The following THOC2 variants were observed in gnomAD, a reference collection of about 807,000 sequenced individuals.
THOC2 encodes THO complex subunit 2.
A neutral mutation model predicts 128.4 loss-of-function variants in THOC2; 10 were observed. That is an observed-to-expected ratio of 0.08 (90% CI 0.05 to 0.13). The LOEUF (loss-of-function observed/expected upper bound fraction) is 0.13, where lower values mean the gene tolerates loss of function less well. Ranked by LOEUF, THOC2 falls within the 10% of genes least tolerant of loss-of-function variation. The pLI, the probability that THOC2 is intolerant of heterozygous loss-of-function variation, is 1.00. For missense variants in THOC2, 535 were observed against 1,155.7 expected, an observed-to-expected ratio of 0.46 and a Z score of 7.79; for synonymous variants, 393 against 396.9, an observed-to-expected ratio of 0.99 and a Z score of 0.12.
rs148115710 is a variant in THOC2 at position 123,608,261 on chromosome X, C to A, written c.*18+2657G>T. On this transcript the variant is annotated intron_variant, in intron 38 of 38. Transcript: ENST00000245838. ...ACTAAAAATACAAAAATTAGCCAGG[C>A]GTGGTGGCACGTGCTTGTAGTCCCA... Among the ~76,000 whole-genome samples, 610 of 102,950 alleles carry A rather than the reference C, an allele frequency of 5.9e-3. 4 individuals carry two copies. The highest frequency in any genetic ancestry group is 0.022 in the Middle Eastern group (4 of 180). The allele number at this position is 102,950 out of a possible 115,157, so 89.4% of individuals were successfully genotyped here.
At chrX:123,724,242 C>G (rs1466681009) in intron 1 of THOC2, among the ~76,000 whole-genome samples, 1 of 111,736 alleles carries the variant, frequency 8.9e-6, no homozygotes, top group East Asian at 2.8e-4. Flanking sequence ...TATACATAAC[C>G]TTGCAGCTCA....
In THOC2 at chrX:123,640,526, C is replaced by A; in HGVS notation, c.1746+12G>T. 1 of 1,152,580 alleles carries A rather than the reference C, an allele frequency of 8.7e-7. No homozygotes were observed. Among genetic ancestry groups the A allele is most frequent in the Non-Finnish European group, 1.2e-6 (1 of 855,564 alleles). The allele number at this position is 1,152,580 out of a possible 1,213,427, so 95.0% of individuals were successfully genotyped here. ...AAAAATCCCTTAAAATAATATTAAC[C>A]TCAAAACATACATAATCAAACAAAA... On this transcript the variant is annotated intron_variant, in intron 16 of 38. Transcript: ENST00000245838.
At chrX:123,618,937 T>C (rs2046989376) in intron 33 of THOC2, among the ~76,000 whole-genome samples, 1 of 111,995 alleles carries the variant, frequency 8.9e-6, no homozygotes, top group Non-Finnish European at 1.9e-5. Flanking sequence ...ATATAAAGAA[T>C]TTTTATAGAT....
chrX:123,619,280 C>A, intron 33 of THOC2, 121 bp downstream of exon 33: 1 of 386,199 alleles, frequency 2.6e-6, no homozygotes, highest in Non-Finnish European at 4.6e-6. Context: ...TCAATGTAAG[C>A]AGAGTACTTT....
At chrX:123,687,892 G>T (rs1241437996) in intron 7 of THOC2, among the ~76,000 whole-genome samples, 1 of 111,657 alleles carries the variant, frequency 9.0e-6, no homozygotes, top group Non-Finnish European at 1.9e-5. Flanking sequence ...TCTCCAAAAA[G>T]ACGTTTCCCT....
At position 123,703,340 on chromosome X, in the gene THOC2, T is replaced by C. The variant is rs112961147; in HGVS notation, c.274+114A>G. ...CTATATTCTCTACAAAGAATCAATT[T>C]GCTTCTAGACTTGCAGAAACATTTG... is the stretch of plus-strand genomic sequence containing the variant. On this transcript the variant is annotated intron_variant, in intron 4 of 38. Coordinates refer to ENST00000245838, the MANE Select transcript of THOC2 (RefSeq NM_001081550.2). 2,103 of 457,706 alleles carry C rather than the reference T, an allele frequency of 4.6e-3. 10 individuals carry two copies. Among genetic ancestry groups the C allele is most frequent in the South Asian group, 7.0e-3 (135 of 19,402 alleles). The allele number at this position is 457,706 out of a possible 1,213,427, so 37.7% of individuals were successfully genotyped here. A position where few individuals can be genotyped will look rare whatever the true frequency, so the allele number is the denominator to read the frequency against.
In THOC2 at chrX:123,603,663, T is replaced by G. The variant is rs1398440678; in HGVS notation, c.*19-2325A>C. 3 of 486,840 alleles carry G rather than the reference T, an allele frequency of 6.2e-6. No individual in the cohort carries two copies. In the African/African-American group the frequency reaches 7.4e-5, roughly 12 times the overall value. The allele number at this position is 486,840 out of a possible 1,213,427, so 40.1% of individuals were successfully genotyped here. A position where few individuals can be genotyped will look rare whatever the true frequency, so the allele number is the denominator to read the frequency against. On this transcript the variant is annotated intron_variant, in intron 38 of 38. Transcript: ENST00000245838. ...ATGGACAGCACCAGAAGCTCTTAAT[T>G]ATGGGAGATATCATTCTGAGAGTGA...
intron 22 of THOC2, 91 bp from the exon 23 acceptor site, chrX:123,628,059 T>C: frequency 1.4e-6 from 1 of 716,751 alleles, no homozygotes; most frequent in Non-Finnish European, 2.0e-6. Context: ...TATATTCCCT[T>C]CTAAAGAATC....
intron 17 of THOC2, 68 bp from the exon 18 acceptor site, chrX:123,638,191 C>T (rs1214879993): frequency 1.4e-6 from 1 of 704,460 alleles, no homozygotes; most frequent in Non-Finnish European, 2.1e-6. Context: ...ATGAATATGC[C>T]ACATCATAGG....
intron 1 of THOC2, 101 bp downstream of exon 1, chrX:123,732,850 AG>A (rs2052336640): frequency 4.5e-6 from 4 of 892,124 alleles, no homozygotes; most frequent in East Asian, 6.3e-5. Flanking sequence ...CGGGTGGGGG[AG>A]GGGGTACATC....
intron 12 of THOC2, among the ~76,000 whole-genome samples, chrX:123,658,604 G>T (rs1171403579): frequency 8.9e-6 from 1 of 112,320 alleles, no homozygotes; most frequent in Non-Finnish European, 1.9e-5. Flanking sequence ...ATCTGAAAAG[G>T]CTACATACTA....
intron 1 of THOC2, among the ~76,000 whole-genome samples, chrX:123,725,347 G>A (rs1458552803): frequency 9.5e-6 from 1 of 105,587 alleles, no homozygotes; most frequent in East Asian, 3.0e-4. Flanking sequence ...ACTTTGGGAG[G>A]CCGAAGTGGG....
intron 1 of THOC2, among the ~76,000 whole-genome samples, chrX:123,724,505 T>C (rs182933722): frequency 2.9e-4 from 32 of 108,930 alleles, no homozygotes; most frequent in Non-Finnish European, 5.5e-4. Flanking sequence ...GCCAACATGA[T>C]GAAACCTCGT....
chrX:123,625,520 CTTT>C (rs754470330), intron 25 of THOC2, among the ~76,000 whole-genome samples: 1 of 96,853 alleles, frequency 1.0e-5, no homozygotes, highest in African/African-American at 3.7e-5. Context: ...ACTTTTTTGT[CTTT>C]TTTTTTTTTT....
At position 123,604,742 on chromosome X, in the gene THOC2, T is replaced by C. The variant is rs755277220; in HGVS notation, c.*19-3404A>G. Among the ~76,000 whole-genome samples, 417 of 112,010 alleles carry C rather than the reference T, an allele frequency of 3.7e-3. 2 individuals are homozygous for C. The highest frequency in any genetic ancestry group is 0.013 in the African/African-American group (391 of 30,846). On this transcript the variant is annotated intron_variant, in intron 38 of 38. Coordinates refer to ENST00000245838, the MANE Select transcript of THOC2 (RefSeq NM_001081550.2). ...ATTCTTCATAAAAGAGCCCTCTGGATGGCAACCAAACAATTTTTAAGAGAA... is the reference window on the plus strand; with the variant it reads ...ATTCTTCATAAAAGAGCCCTCTGGACGGCAACCAAACAATTTTTAAGAGAA...
At chrX:123,653,887 C>T (rs2048459604) in intron 12 of THOC2, among the ~76,000 whole-genome samples, 1 of 111,571 alleles carries the variant, frequency 9.0e-6, no homozygotes, top group South Asian at 3.8e-4. Context: ...CCATTTGACC[C>T]AGCAATCCCA....
intron 12 of THOC2, among the ~76,000 whole-genome samples, chrX:123,656,350 A>AG (rs2048577984): frequency 9.6e-6 from 1 of 103,899 alleles, no homozygotes; most frequent in Non-Finnish European, 2.0e-5. Flanking sequence ...AAAAAAAAAA[A>AG]AAAGAGAGAG....
intron 38 of THOC2, among the ~76,000 whole-genome samples, chrX:123,604,627 G>A (rs2046401137): frequency 9.0e-6 from 1 of 111,325 alleles, no homozygotes; most frequent in South Asian, 3.8e-4. Context: ...CTTAACAGAG[G>A]TATGCCTTTA....
chrX:123,730,926 A>G (rs1471904528), intron 1 of THOC2, among the ~76,000 whole-genome samples: 1 of 112,436 alleles, frequency 8.9e-6, no homozygotes, highest in Non-Finnish European at 1.9e-5. Context: ...CCTGGGCGAC[A>G]GAGCGAGACT....
Sources: gnomAD v4.1 joint callset for allele counts (sites outside exome capture counted in the v4.1 genomes callset) on GRCh38, gnomAD v4.1.1 for gene constraint, MANE v1.5 for transcripts, NCBI Gene and HGNC (gene_info 2026-07-23, HGNC 2026-07-21) for gene names.